The following PLAC1 variants were observed in gnomAD, a reference collection of about 807,000 sequenced individuals.
PLAC1 encodes placenta-specific protein 1.
For missense variants in PLAC1, 136 were observed against 163.2 expected (o/e 0.83, Z 0.91); for synonymous variants, 68 against 62.1 (o/e 1.09, Z -0.44).
At chrX:134,714,712 T>C (rs1247569035) in intron 2 of PLAC1, among the ~76,000 whole-genome samples, 1 of 111,408 alleles carries the variant, frequency 9.0e-6, no homozygotes, top group Non-Finnish European at 1.9e-5. Context: ...TTAACCATCC[T>C]AGAAACTTCA....
rs189118100 is a variant in PLAC1, at chrX:134,693,181, C to T, written n.174+40254G>A. Among the ~76,000 whole-genome samples the T allele has an allele frequency of 1.3e-4, 14 of 111,146 alleles. No homozygotes were observed. In the Admixed American group the frequency reaches 1.3e-3, roughly 11 times the overall value. On this transcript the variant is annotated intron_variant and non_coding_transcript_variant, in intron 2 of 2. Transcript: ENST00000466797. Reference sequence around the variant, plus strand: ...CCCCCATGTATTTCAGGTCTCTAGACATCCTGACTCATCCATGTCTTGGCT... The same window carrying T: ...CCCCCATGTATTTCAGGTCTCTAGATATCCTGACTCATCCATGTCTTGGCT...
At chrX:134,720,112 C>T (rs1018838302) in intron 2 of PLAC1, among the ~76,000 whole-genome samples, 1 of 110,261 alleles carries the variant, frequency 9.1e-6, no homozygotes, top group Non-Finnish European at 1.9e-5. Context: ...AAAGAATCCA[C>T]AAAAAACTAT....
intron 1 of PLAC1, among the ~76,000 whole-genome samples, chrX:134,738,110 T>C (rs1347612621): frequency 9.0e-6 from 1 of 110,814 alleles, no homozygotes; most frequent in Non-Finnish European, 1.9e-5. Context: ...GACATAAACA[T>C]ATAAAGAGAA....
chrX:134,608,969 C>T (rs190861105), intron 1 of PLAC1, among the ~76,000 whole-genome samples: 102 of 99,342 alleles, frequency 1.0e-3, no homozygotes, highest in Non-Finnish European at 1.5e-3. Flanking sequence ...CCACCGTGCC[C>T]GGCCTCTTTT....
intron 2 of PLAC1, among the ~76,000 whole-genome samples, chrX:134,718,243 A>AT (rs2078648660): frequency 9.0e-6 from 1 of 111,215 alleles, no homozygotes; most frequent in East Asian, 2.8e-4. Flanking sequence ...GGAGAAAAAA[A>AT]ATTCCCCAGA....
chrX:134,675,391 C>T (rs904499653), intron 2 of PLAC1, among the ~76,000 whole-genome samples: 89 of 112,491 alleles, frequency 7.9e-4, no homozygotes, highest in African/African-American at 2.7e-3. Flanking sequence ...CCTGGCCGGG[C>T]GTGGTGGCTC....
intron 1 of PLAC1, among the ~76,000 whole-genome samples, chrX:134,603,110 C>T (rs1453158867): frequency 2.0e-5 from 2 of 101,167 alleles, no homozygotes; most frequent in African/African-American, 7.2e-5. Context: ...ATGGATAAAT[C>T]AAGAATGGGA....
chrX:134,582,123 C>T (rs1201631779), intron 2 of PLAC1, among the ~76,000 whole-genome samples: 2 of 112,331 alleles, frequency 1.8e-5, no homozygotes, highest in African/African-American at 6.5e-5. Context: ...GTGAGGCATT[C>T]CTTATTCTTT....
intron 1 of PLAC1, among the ~76,000 whole-genome samples, chrX:134,759,190 G>A (rs759319487): frequency 2.8e-5 from 3 of 109,062 alleles, no homozygotes; most frequent in Middle Eastern, 4.3e-3. Context: ...TCACTCTGTC[G>A]CCTAGGCTGG....
At chrX:134,763,312 G>A (rs1429694761) in intron 1 of PLAC1, among the ~76,000 whole-genome samples, 1 of 112,080 alleles carries the variant, frequency 8.9e-6, no homozygotes, top group African/African-American at 3.2e-5. Context: ...AAGAAGGCAG[G>A]CCTCAGTGAT....
chrX:134,731,066 T>C (rs1478256699), intron 2 of PLAC1, among the ~76,000 whole-genome samples: 1 of 111,895 alleles, frequency 8.9e-6, no homozygotes, highest in Non-Finnish European at 1.9e-5. Context: ...TTTTCCCACG[T>C]GAGGCTGAGA....
At chrX:134,587,337 A>T (rs1481065355) in intron 2 of PLAC1, among the ~76,000 whole-genome samples, 2 of 110,636 alleles carry the variant, frequency 1.8e-5, no homozygotes, top group Non-Finnish European at 3.8e-5. Flanking sequence ...AAGATGGACC[A>T]CTAGAGGCCA....
chrX:134,578,861 C>T (rs767943737), intron 2 of PLAC1, among the ~76,000 whole-genome samples: 3 of 109,284 alleles, frequency 2.7e-5, no homozygotes, highest in Non-Finnish European at 3.8e-5. Context: ...ATTTCTTGCA[C>T]CGAATTTAAA....
chrX:134,643,726 A>C (rs928382135), intron 1 of PLAC1, among the ~76,000 whole-genome samples: 1 of 111,442 alleles, frequency 9.0e-6, no homozygotes, highest in African/African-American at 3.3e-5. Flanking sequence ...AAAATTAGAA[A>C]TACAAGGAAA....
At chrX:134,574,124 A>G (rs73564392) in intron 2 of PLAC1, among the ~76,000 whole-genome samples, 3,033 of 109,762 alleles carry the variant, frequency 0.028, 97 homozygotes, top group African/African-American at 0.093. Context: ...ACAGTGATGG[A>G]GAGACAGACA....
chrX:134,694,526 C>G (rs1442519623), intron 2 of PLAC1, among the ~76,000 whole-genome samples: 1 of 112,103 alleles, frequency 8.9e-6, no homozygotes, highest in Non-Finnish European at 1.9e-5. Flanking sequence ...CTTGAGCAGG[C>G]CTGACTATTT....
chrX:134,662,707 ATT>A (rs1209208192), upstream of PLAC1, among the ~76,000 whole-genome samples: 37 of 112,353 alleles, frequency 3.3e-4, no homozygotes, highest in Non-Finnish European at 6.6e-4. Flanking sequence ...AAGCAGGTGG[ATT>A]GCTCGAGCCC....
intron 2 of PLAC1, among the ~76,000 whole-genome samples, chrX:134,574,090 TCA>T (rs368393395): frequency 0.11 from 10,898 of 103,368 alleles, 1,527 homozygotes; most frequent in African/African-American, 0.36. Flanking sequence ...TCTCTCTCTC[TCA>T]CACACACACA....
At chrX:134,612,989 C>G (rs1192695953) in intron 1 of PLAC1, among the ~76,000 whole-genome samples, 4 of 110,264 alleles carry the variant, frequency 3.6e-5, no homozygotes, top group Non-Finnish European at 5.7e-5. Context: ...AGAGGGGTCT[C>G]CACATGAAAC....
Sources: allele counts gnomAD v4.1 joint callset (sites outside exome capture counted in the v4.1 genomes callset), GRCh38; gene constraint gnomAD v4.1.1; transcripts MANE v1.5; gene names NCBI Gene and HGNC (gene_info 2026-07-23, HGNC 2026-07-21).